The following HS6ST3 variants were observed in gnomAD, a reference collection of about 807,000 sequenced individuals.
HS6ST3 encodes the protein heparan sulfate 6-O-sulfotransferase 3, also known as heparan-sulfate 6-O-sulfotransferase 3.
A neutral mutation model predicts 36.7 loss-of-function variants in HS6ST3; 12 were observed. The observed-to-expected ratio is 0.33, with a 90% CI of 0.21 to 0.53. HS6ST3 has a LOEUF of 0.53. Among genes scored for constraint, HS6ST3 ranks in the 20% least tolerant of loss-of-function variants. The pLI is 0.95. For synonymous variants in HS6ST3, 240 were observed against 257.5 expected, an observed-to-expected ratio of 0.93 and a Z score of 0.65; for missense variants, 584 against 640.9, an observed-to-expected ratio of 0.91 and a Z score of 0.96.
intron 1 of HS6ST3, among the ~76,000 whole-genome samples, chr13:96,251,597 TC>T (rs1267718882): frequency 6.6e-6 from 1 of 152,110 alleles, no homozygotes; most frequent in Non-Finnish European, 1.5e-5. Flanking sequence ...ATTGTCTTTT[TC>T]CTTCTAATGT....
At chr13:96,320,442 A>C (rs949546504) in intron 1 of HS6ST3, among the ~76,000 whole-genome samples, 2 of 152,140 alleles carry the variant, frequency 1.3e-5, no homozygotes, top group Non-Finnish European at 2.9e-5. Context: ...AATAAGTTTT[A>C]GTTGCTTTTT....
chr13:96,232,249 G>A (rs1403649265), intron 1 of HS6ST3, among the ~76,000 whole-genome samples: 1 of 152,212 alleles, frequency 6.6e-6, no homozygotes, highest in Non-Finnish European at 1.5e-5. Flanking sequence ...CAGTGTGGTT[G>A]TTAAGTAGGT....
At chr13:96,338,452 T>G (rs1251199518) in intron 1 of HS6ST3, among the ~76,000 whole-genome samples, 2 of 152,192 alleles carry the variant, frequency 1.3e-5, no homozygotes, top group Non-Finnish European at 2.9e-5. Flanking sequence ...TCTTTCTTTC[T>G]GTCTCCAAGG....
intron 1 of HS6ST3, among the ~76,000 whole-genome samples, chr13:96,635,593 A>G (rs2056546757): frequency 6.6e-6 from 1 of 151,954 alleles, no homozygotes; most frequent in Non-Finnish European, 1.5e-5. Context: ...GCTCTATATA[A>G]CCTCCAATCA....
At chr13:96,732,475 T>G (rs1362415994) in intron 1 of HS6ST3, among the ~76,000 whole-genome samples, 1 of 152,200 alleles carries the variant, frequency 6.6e-6, no homozygotes, top group Non-Finnish European at 1.5e-5. Flanking sequence ...GAAAACAGTT[T>G]CTGGGCTCTC....
At chr13:96,160,905 T>C (rs1326103409) in intron 1 of HS6ST3, among the ~76,000 whole-genome samples, 2 of 152,174 alleles carry the variant, frequency 1.3e-5, no homozygotes, top group African/African-American at 4.8e-5. Context: ...AGGTGGTACT[T>C]GAGGCTGGTA....
chr13:96,129,600 C>G (rs2053966755), intron 1 of HS6ST3, among the ~76,000 whole-genome samples: 1 of 152,164 alleles, frequency 6.6e-6, no homozygotes, highest in Non-Finnish European at 1.5e-5. Flanking sequence ...AAAAATTAAT[C>G]TGACTTATCT....
At chr13:96,726,612 T>C (rs781627837) in intron 1 of HS6ST3, among the ~76,000 whole-genome samples, 2 of 152,220 alleles carry the variant, frequency 1.3e-5, no homozygotes, top group Non-Finnish European at 2.9e-5. Flanking sequence ...GTATAATTCA[T>C]TGGACTTTGT....
At chr13:96,520,249 T>TA in intron 1 of HS6ST3, among the ~76,000 whole-genome samples, 1 of 152,358 alleles carries the variant, frequency 6.6e-6, no homozygotes, top group South Asian at 2.1e-4. Context: ...GCTGTTTTGG[T>TA]TACTGTAGCC....
chr13:96,367,167 A>G (rs2055267187), intron 1 of HS6ST3, among the ~76,000 whole-genome samples: 1 of 152,214 alleles, frequency 6.6e-6, no homozygotes, highest in Non-Finnish European at 1.5e-5. Flanking sequence ...GTATAACGGA[A>G]GATGCCAAAT....
chr13:96,369,221 C>T (rs2055277864), intron 1 of HS6ST3, among the ~76,000 whole-genome samples: 1 of 152,018 alleles, frequency 6.6e-6, no homozygotes, highest in Non-Finnish European at 1.5e-5. Flanking sequence ...CGCCCTCTTG[C>T]AGCATATTAA....
At chr13:96,727,737 C>T (rs1184013099) in intron 1 of HS6ST3, among the ~76,000 whole-genome samples, 1 of 152,212 alleles carries the variant, frequency 6.6e-6, no homozygotes, top group African/African-American at 2.4e-5. Context: ...TCCATTCAAT[C>T]ACAGTCAATT....
intron 1 of HS6ST3, among the ~76,000 whole-genome samples, chr13:96,699,757 G>C (rs912709896): frequency 6.6e-6 from 1 of 152,296 alleles, no homozygotes; most frequent in African/African-American, 2.4e-5. Flanking sequence ...ATACCCAAAG[G>C]ATTATAAAAC....
At chr13:96,506,463 T>C (rs1220493369) in intron 1 of HS6ST3, among the ~76,000 whole-genome samples, 1 of 152,182 alleles carries the variant, frequency 6.6e-6, no homozygotes, top group Non-Finnish European at 1.5e-5. Flanking sequence ...AAACTTCCCA[T>C]GAAGGCTGCC....
chr13:96,700,320 A>T, intron 1 of HS6ST3, among the ~76,000 whole-genome samples: 1 of 152,260 alleles, frequency 6.6e-6, no homozygotes, highest in East Asian at 1.9e-4. Context: ...CGTGAGACTT[A>T]TTCACTACCA....
intron 1 of HS6ST3, among the ~76,000 whole-genome samples, chr13:96,316,901 A>G (rs2054972851): frequency 6.6e-6 from 1 of 152,174 alleles, no homozygotes; most frequent in Admixed American, 6.5e-5. Flanking sequence ...CGTAGAAATG[A>G]TTTTTGTTTA....
chr13:96,250,041 G>T (rs2054600979), intron 1 of HS6ST3, among the ~76,000 whole-genome samples: 1 of 152,136 alleles, frequency 6.6e-6, no homozygotes, highest in African/African-American at 2.4e-5. Context: ...CAAAGTGAAT[G>T]ATTTAATGCC....
At chr13:96,690,796 C>T (rs947555091) in intron 1 of HS6ST3, among the ~76,000 whole-genome samples, 2 of 148,358 alleles carry the variant, frequency 1.3e-5, no homozygotes, top group Non-Finnish European at 3.0e-5. Context: ...GAAATGAACA[C>T]ATGTAGTAGA....
At chr13:96,098,871 TAGTG>T (rs2053804479) in intron 1 of HS6ST3, among the ~76,000 whole-genome samples, 1 of 152,202 alleles carries the variant, frequency 6.6e-6, no homozygotes, top group Non-Finnish European at 1.5e-5. Flanking sequence ...GGCTGACACA[TAGTG>T]AGGAAATCAT....
Sources: allele counts gnomAD v4.1 joint callset (sites outside exome capture counted in the v4.1 genomes callset), GRCh38; gene constraint gnomAD v4.1.1; transcripts MANE v1.5; gene names NCBI Gene and HGNC (gene_info 2026-07-23, HGNC 2026-07-21).